The following ALCAM variants were observed in gnomAD, a reference collection of about 807,000 sequenced individuals.
ALCAM encodes the protein activated leukocyte cell adhesion molecule, also known as CD166 antigen.
Under a neutral mutation model 70.9 loss-of-function variants are expected in ALCAM, and 30 were observed. The ratio of observed to expected loss-of-function variants is 0.42; its 90% confidence interval spans 0.32 to 0.57. The LOEUF (loss-of-function observed/expected upper bound fraction) is 0.57, where lower values mean the gene tolerates loss of function less well. Among genes scored for constraint, ALCAM ranks in the 20% least tolerant of loss-of-function variants. The probability of loss-of-function intolerance (pLI) is 0.11; values close to 1 mark genes in which losing one functional copy is unlikely to be tolerated. For synonymous variants in ALCAM, 249 were observed against 242.5 expected (o/e 1.03, Z -0.25); for missense variants, 591 against 695.1 (o/e 0.85, Z 1.68).
At chr3:105,484,532 A>G (rs574211871) in intron 1 of ALCAM, among the ~76,000 whole-genome samples, 44 of 152,200 alleles carry the variant, frequency 2.9e-4, no homozygotes, top group African/African-American at 1.0e-3. Flanking sequence ...GAAATAGTCT[A>G]TTGATTGATT....
intron 1 of ALCAM, among the ~76,000 whole-genome samples, chr3:105,380,594 C>T (rs1935493211): frequency 1.3e-5 from 2 of 151,646 alleles, no homozygotes; most frequent in South Asian, 2.1e-4. Context: ...AATAATTTTA[C>T]CTGAAGTCTA....
chr3:105,480,547 A>G (rs1938243597), intron 1 of ALCAM, among the ~76,000 whole-genome samples: 3 of 152,100 alleles, frequency 2.0e-5, no homozygotes, highest in Admixed American at 6.6e-5. Flanking sequence ...CTTTGACTCA[A>G]CAGAAAATCA....
intron 1 of ALCAM, among the ~76,000 whole-genome samples, chr3:105,458,011 A>G (rs922030636): frequency 1.3e-5 from 2 of 152,014 alleles, no homozygotes; most frequent in African/African-American, 2.4e-5. Context: ...AAACATGCTC[A>G]TTATAAATCT....
At chr3:105,368,223 A>AAGAGAGAGAGAGAGTGAGAGAGAG (rs1935123245) in intron 1 of ALCAM, among the ~76,000 whole-genome samples, 1 of 67,790 alleles carries the variant, frequency 1.5e-5, no homozygotes, top group Admixed American at 2.1e-4. Context: ...TGAGTCTTGG[A>AAGAGAGAGAGAGAGTGAGAGAGAG]AGAGAGAGAG....
At chr3:105,472,885 T>G (rs979725370) in intron 1 of ALCAM, among the ~76,000 whole-genome samples, 3 of 151,546 alleles carry the variant, frequency 2.0e-5, no homozygotes, top group Admixed American at 6.6e-5. Context: ...CAAAATATAA[T>G]TAGCATGATT....
intron 1 of ALCAM, among the ~76,000 whole-genome samples, chr3:105,391,442 A>G (rs1935815222): frequency 6.6e-6 from 1 of 151,904 alleles, no homozygotes; most frequent in African/African-American, 2.4e-5. Context: ...TTGTACATTG[A>G]TTTTGTATCC....
chr3:105,478,906 T>A (rs1201152909), intron 1 of ALCAM, among the ~76,000 whole-genome samples: 1 of 152,080 alleles, frequency 6.6e-6, no homozygotes, highest in Non-Finnish European at 1.5e-5. Context: ...ATTGGTTTGG[T>A]TTTTAAGTTC....
At chr3:105,402,405 T>C (rs754772471) in intron 1 of ALCAM, among the ~76,000 whole-genome samples, 3 of 152,228 alleles carry the variant, frequency 2.0e-5, no homozygotes, top group Middle Eastern at 3.4e-3. Flanking sequence ...GAAGGAACTG[T>C]ATCACTGCTG....
intron 1 of ALCAM, among the ~76,000 whole-genome samples, chr3:105,499,751 T>C (rs1164852269): frequency 6.6e-6 from 1 of 152,158 alleles, no homozygotes; most frequent in African/African-American, 2.4e-5. Context: ...AAAAGCATTT[T>C]CTCATGGTAC....
intron 6 of ALCAM, among the ~76,000 whole-genome samples, chr3:105,537,099 T>A (rs1055856728): frequency 1.3e-5 from 2 of 151,870 alleles, no homozygotes; most frequent in South Asian, 2.1e-4. Flanking sequence ...GAAAAAAAAA[T>A]TGGCCAATTC....
chr3:105,480,025 T>C (rs1938226305), intron 1 of ALCAM, among the ~76,000 whole-genome samples: 1 of 152,154 alleles, frequency 6.6e-6, no homozygotes, highest in Admixed American at 6.6e-5. Flanking sequence ...CATTTTGGCA[T>C]AATCTGTTAA....
chr3:105,485,472 A>G (rs1938401254), intron 1 of ALCAM, among the ~76,000 whole-genome samples: 1 of 152,004 alleles, frequency 6.6e-6, no homozygotes, highest in Admixed American at 6.6e-5. Context: ...TGGTTCCTAG[A>G]ATGCAAAAAA....
rs755714595 is a variant in ALCAM at position 105,367,378 on chromosome 3, C to A, written c.-31C>A. ...ACGCCCCCTCCTGCGGCGTGGACTCCGTCAGTGGCCCACCAAGAAGGAGGA... is the reference window on the plus strand; with the variant it reads ...ACGCCCCCTCCTGCGGCGTGGACTCAGTCAGTGGCCCACCAAGAAGGAGGA... On this transcript the variant is annotated 5_prime_UTR_variant, in exon 1 of 16. Coordinates refer to ENST00000306107, the MANE Select transcript of ALCAM (RefSeq NM_001627.4). 6.2e-7 allele frequency: 1 copy of A among 1,612,128 alleles called. No homozygotes were observed. Among genetic ancestry groups the A allele is most frequent in the Non-Finnish European group, 8.5e-7 (1 of 1,178,750 alleles).
chr3:105,522,889 C>T (rs1271991431), intron 2 of ALCAM, among the ~76,000 whole-genome samples: 1 of 152,112 alleles, frequency 6.6e-6, no homozygotes, highest in African/African-American at 2.4e-5. Context: ...CCTGTAATCC[C>T]AGCACTTTGG....
rs755714595 is a variant in ALCAM, at chr3:105,367,378, C to T, written c.-31C>T. ...ACGCCCCCTCCTGCGGCGTGGACTCCGTCAGTGGCCCACCAAGAAGGAGGA... is the reference window on the plus strand; with the variant it reads ...ACGCCCCCTCCTGCGGCGTGGACTCTGTCAGTGGCCCACCAAGAAGGAGGA... On this transcript the variant is annotated 5_prime_UTR_variant, in exon 1 of 16. Transcript: ENST00000306107. 11 of 1,612,012 alleles carry T rather than the reference C, an allele frequency of 6.8e-6. No individual in the cohort carries two copies. The African/African-American group carries it at 9.4e-5, about 14-fold the overall frequency.
intron 1 of ALCAM, among the ~76,000 whole-genome samples, chr3:105,507,412 C>T (rs1339729081): frequency 1.3e-5 from 2 of 152,108 alleles, no homozygotes; most frequent in Non-Finnish European, 2.9e-5. Flanking sequence ...TCCTGTTCTC[C>T]GTCTATTCAT....
rs1939496620 is a variant in ALCAM at position 105,520,126 on chromosome 3, C to T, written c.133C>T (p.Leu45Phe). The T allele has an allele frequency of 5.0e-6, 8 of 1,613,036 alleles. No homozygotes were observed. The highest frequency in any genetic ancestry group is 1.3e-5 in the African/African-American group (1 of 74,892). The part of the protein sequence containing the change: ...YGDTIIIPCR[L>F]DVPQNLMFGK... ...AGATACCATTATCATACCTTGCCGA[C>T]TTGACGTACCTCAGAATCTCATGTT... The change falls in exon 2 of 16, where the codon CTT (leucine) becomes TTT (phenylalanine). Residue 45 changes from leucine (L) to phenylalanine (F), a missense_variant. Around this residue, in one of 2 missense-constraint regions of ALCAM, gnomAD observed 427 missense variants for 450.4 expected, o/e 0.95. Transcript: ENST00000306107.
At chr3:105,390,205 CA>C (rs1466200817) in intron 1 of ALCAM, among the ~76,000 whole-genome samples, 1 of 152,020 alleles carries the variant, frequency 6.6e-6, no homozygotes, top group Non-Finnish European at 1.5e-5. Flanking sequence ...TTACCACCAA[CA>C]GTGTAAAAGC....
intron 1 of ALCAM, among the ~76,000 whole-genome samples, chr3:105,452,802 T>G (rs918173693): frequency 6.6e-6 from 1 of 152,260 alleles, no homozygotes; most frequent in African/African-American, 2.4e-5. Context: ...GTGGTTTTGA[T>G]TTGCATTTCT....
Sources: allele counts gnomAD v4.1 joint callset (sites outside exome capture counted in the v4.1 genomes callset), GRCh38; gene constraint gnomAD v4.1.1; regional missense constraint gnomAD v4.1.1; transcripts MANE v1.5; gene names NCBI Gene and HGNC (gene_info 2026-07-23, HGNC 2026-07-21).